OTOA: variants seen among roughly 807,000 people sequenced by gnomAD.
OTOA encodes cancer/testis antigen 108.
A neutral mutation model predicts 110.8 loss-of-function variants in OTOA; 70 were observed. The observed-to-expected ratio is 0.63, with a 90% CI of 0.52 to 0.77. The LOEUF is 0.77. Ranked by LOEUF, OTOA falls within the 30% of genes least tolerant of loss-of-function variation. OTOA has a pLI of 0.00. For missense variants in OTOA, 917 were observed against 1,075.8 expected (o/e 0.85, Z 2.06); for synonymous variants, 373 against 431.5 (o/e 0.86, Z 1.68).
chr16:21,698,798 T>G (rs1410579639), intron 10 of OTOA, among the ~76,000 whole-genome samples: 2 of 152,144 alleles, frequency 1.3e-5, no homozygotes, highest in African/African-American at 4.8e-5. Context: ...AATGTAGAGT[T>G]GCTTTGAGTA....
rs1353926324 is a variant in OTOA, at chr16:21,715,818, T to TA, written c.1488+670dup. Among the ~76,000 whole-genome samples the TA allele has an allele frequency of 5.5e-5, 8 of 145,882 alleles. No individual in the cohort carries two copies. The South Asian group carries it at 1.5e-3, about 28-fold the overall frequency. On this transcript the variant is annotated intron_variant, in intron 14 of 28. Coordinates refer to ENST00000646100, the MANE Select transcript of OTOA (RefSeq NM_144672.4). ...TAGGTGTGAGCCACTGTGCCTGGCCTAAAATTTGTTTTTCAAATCTAAAAA... is the reference window on the plus strand; with the variant it reads ...TAGGTGTGAGCCACTGTGCCTGGCCTAAAAATTTGTTTTTCAAATCTAAAAA...
At chr16:21,690,380 T>C (rs898394997) in intron 8 of OTOA, among the ~76,000 whole-genome samples, 2 of 151,428 alleles carry the variant, frequency 1.3e-5, no homozygotes. Flanking sequence ...GTGTGTGTTG[T>C]TCCCCTCCCT....
intron 9 of OTOA, among the ~76,000 whole-genome samples, chr16:21,692,287 A>C (rs1351862794): frequency 6.6e-6 from 1 of 151,754 alleles, no homozygotes; most frequent in Admixed American, 6.6e-5. Context: ...AGATTGCACC[A>C]CTGCACTCCG....
intron 1 of OTOA, among the ~76,000 whole-genome samples, chr16:21,676,350 T>C (rs564750022): frequency 2.0e-5 from 3 of 152,246 alleles, no homozygotes; most frequent in East Asian, 3.9e-4. Context: ...TTAAATATTG[T>C]TGGGTTTTGT....
chr16:21,709,774 T>C, intron 12 of OTOA, 114 bp from the exon 13 acceptor site: 1 of 946,060 alleles, frequency 1.1e-6, no homozygotes, highest in Non-Finnish European at 1.7e-6. Flanking sequence ...CCAAAAGCTT[T>C]GATGGAACAG....
chr16:21,706,228 CT>C (rs1376686625), intron 12 of OTOA, among the ~76,000 whole-genome samples: 1 of 152,204 alleles, frequency 6.6e-6, no homozygotes, highest in East Asian at 1.9e-4. Context: ...CCTCTTCTTC[CT>C]CCTTCTTCCC....
chr16:21,715,172 T>G lies in OTOA; in HGVS notation c.1488+20T>G. ...AGCAAGGTGAGAGGAAGATGTCTGG[T>G]GCTCAGCCACATGTCACAGGGGGTA... On this transcript the variant is annotated intron_variant, in intron 14 of 28. Coordinates refer to ENST00000646100, the MANE Select transcript of OTOA (RefSeq NM_144672.4). 1 of 1,614,054 alleles carries G rather than the reference T, an allele frequency of 6.2e-7. No individual in the cohort carries two copies. The highest frequency in any genetic ancestry group is 1.1e-5 in the South Asian group (1 of 91,082).
At chr16:21,668,078 T>A (rs1472215271) in intron 1 of OTOA, among the ~76,000 whole-genome samples, 1 of 152,146 alleles carries the variant, frequency 6.6e-6, no homozygotes, top group Admixed American at 6.6e-5. Flanking sequence ...AAATATCTAA[T>A]CAGGGGTTCA....
intron 10 of OTOA, among the ~76,000 whole-genome samples, chr16:21,698,471 G>A (rs775392189): frequency 1.3e-5 from 2 of 152,148 alleles, no homozygotes; most frequent in Non-Finnish European, 1.5e-5. Context: ...CTTGAATGCG[G>A]TCTCCAAAGA....
intron 1 of OTOA, among the ~76,000 whole-genome samples, chr16:21,668,708 C>T (rs898022400): frequency 5.3e-5 from 8 of 151,858 alleles, no homozygotes; most frequent in East Asian, 1.9e-4. Context: ...GTGATCTGCC[C>T]GCCTCGGCCT....
intron 8 of OTOA, among the ~76,000 whole-genome samples, chr16:21,688,690 A>C (rs1897767639): frequency 6.6e-6 from 1 of 152,060 alleles, no homozygotes; most frequent in South Asian, 2.1e-4. Flanking sequence ...TTGTGGTGGA[A>C]GGGGTGGGCA....
Position 21,726,581 on chromosome 16 carries a change from G to A in OTOA, c.1939G>A (p.Gly647Arg). The change falls in exon 19 of 29, where the codon GGG becomes AGG. Residue 647 changes from glycine to arginine, a missense_variant. Transcript: ENST00000646100. ...GTGTGTGCCCTTTCTGATCAGCCTGGGGAAGAGCTGGTTGGACTCCTTGGT... is the reference window on the plus strand; with the variant it reads ...GTGTGTGCCCTTTCTGATCAGCCTGAGGAAGAGCTGGTTGGACTCCTTGGT... ...SQCVPFLISL[G>R]KSWLDSLVLD... The A allele has an allele frequency of 6.2e-7, 1 of 1,614,000 alleles. No homozygotes were observed. Among genetic ancestry groups the A allele is most frequent in the South Asian group, 1.1e-5 (1 of 91,078 alleles).
chr16:21,669,279 G>A (rs1000315038), intron 1 of OTOA, among the ~76,000 whole-genome samples: 6 of 152,088 alleles, frequency 3.9e-5, no homozygotes, highest in Admixed American at 1.3e-4. Context: ...GGAGGCAGAG[G>A]TTGCAGTGAG....
intron 15 of OTOA, among the ~76,000 whole-genome samples, chr16:21,717,617 G>A (rs548623223): frequency 1.3e-5 from 2 of 152,248 alleles, no homozygotes; most frequent in South Asian, 2.1e-4. Context: ...AAGTATTCGC[G>A]GCTATTATGT....
intron 1 of OTOA, among the ~76,000 whole-genome samples, chr16:21,665,562 G>A (rs1966839275): frequency 6.6e-6 from 1 of 152,094 alleles, no homozygotes; most frequent in African/African-American, 2.4e-5. Context: ...AACTGAGTAC[G>A]GTAACCCTTC....
intron 2 of OTOA, 78 bp from the exon 3 acceptor site, chr16:21,678,836 CT>C: frequency 6.5e-7 from 1 of 1,540,908 alleles, no homozygotes; most frequent in Non-Finnish European, 8.9e-7. Context: ...CTTTCTGGGG[CT>C]TTTCCTCTAA....
intron 14 of OTOA, among the ~76,000 whole-genome samples, chr16:21,715,439 G>GTT (rs369758805): frequency 5.8e-4 from 83 of 143,478 alleles, no homozygotes; most frequent in African/African-American, 1.6e-3. Flanking sequence ...TCAGGTTCAA[G>GTT]TTTGTTTTTT....
intron 20 of OTOA, chr16:21,729,682 T>A (rs573649063): frequency 6.6e-6 from 1 of 152,326 alleles, no homozygotes; most frequent in African/African-American, 2.4e-5. Flanking sequence ...CCTCTCTCAC[T>A]CCTAATTCCT....
intron 21 of OTOA, among the ~76,000 whole-genome samples, chr16:21,732,136 T>G (rs1899134808): frequency 6.6e-6 from 1 of 151,974 alleles, no homozygotes; most frequent in Non-Finnish European, 1.5e-5. Context: ...CAGCTAATTT[T>G]TATATTTTTA....
Sources: allele counts gnomAD v4.1 joint callset (sites outside exome capture counted in the v4.1 genomes callset), GRCh38; gene constraint gnomAD v4.1.1; transcripts MANE v1.5; gene names NCBI Gene and HGNC (gene_info 2026-07-23, HGNC 2026-07-21).